Variants in CHRNE observed in about 807,000 individuals in gnomAD.
CHRNE encodes the protein cholinergic receptor nicotinic epsilon subunit.
In CHRNE, 58 loss-of-function variants were observed where a neutral mutation model predicts 56.5. The ratio of observed to expected loss-of-function variants is 1.03; its 90% confidence interval spans 0.83 to 1.28. CHRNE has a LOEUF of 1.28. Ranked by LOEUF, CHRNE falls within the 50% of genes most tolerant of loss-of-function variation. The pLI is 0.00. For missense variants in CHRNE, 793 were observed against 688.9 expected (o/e 1.15, Z -1.69); for synonymous variants, 385 against 297.9 (o/e 1.29, Z -3.01).
At chr17:4,900,077 C>G in intron 8 of CHRNE, 2 of 1,551,102 alleles carry the variant, frequency 1.3e-6, no homozygotes, top group Non-Finnish European at 1.7e-6. Flanking sequence ...TGCCCCGAAG[C>G]CCACCCTGGG....
Position 4,902,208 on chromosome 17 carries a change from G to C in CHRNE, c.344+9C>G, listed in dbSNP as rs371037732. 1.9e-6 allele frequency: 3 copies of C among 1,613,732 alleles called. No individual in the cohort carries two copies. The African/African-American group carries it at 4.0e-5, about 22-fold the overall frequency. Reference sequence around the variant, plus strand: ...TTCCCTCCAGCCTGGCGTCTGGCCCGGTTCTCACTTGTTTTCCAGCACAAT... The same window carrying C: ...TTCCCTCCAGCCTGGCGTCTGGCCCCGTTCTCACTTGTTTTCCAGCACAAT... On this transcript the variant is annotated intron_variant, in intron 4 of 11. Coordinates refer to ENST00000649488, the MANE Select transcript of CHRNE (RefSeq NM_000080.4). The surrounding 1 kb of genome is among the most constrained non-coding windows in gnomAD (Gnocchi z 4.0).
chr17:4,907,059 G>T (rs1970099811), upstream of CHRNE, among the ~76,000 whole-genome samples: 1 of 152,162 alleles, frequency 6.6e-6, no homozygotes, highest in Admixed American at 6.5e-5. Flanking sequence ...AGGGTAGTGG[G>T]CAGGTAGGTG....
intron 8 of CHRNE, chr17:4,900,121 G>C (rs924656972): frequency 1.9e-6 from 3 of 1,550,694 alleles, no homozygotes; most frequent in East Asian, 4.9e-5. Flanking sequence ...CCAGCCTCGT[G>C]AGCTTCGGCA....
rs373293781 is a variant in CHRNE, at chr17:4,898,757, G to A, written c.1461C>T (p.Tyr487=). Residue 487 remains tyrosine (Y), a synonymous_variant, in exon 12 of 12, where the codon TAC becomes TAT. Transcript: ENST00000649488. ...AYFNRVPDLP[Y]APCIQP is the part of the protein sequence containing the mutation. ...CGAGCTAAGGCTGGATACACGGCGCGTAGGGGAGATCAGGCACTCGGTTGA... is the reference window on the plus strand; with the variant it reads ...CGAGCTAAGGCTGGATACACGGCGCATAGGGGAGATCAGGCACTCGGTTGA... 7 of 1,611,032 alleles carry A rather than the reference G, an allele frequency of 4.3e-6. No homozygotes were observed. The highest frequency in any genetic ancestry group is 1.1e-5 in the South Asian group (1 of 90,280).
At chr17:4,905,242 A>C (rs1471463687), upstream of CHRNE, among the ~76,000 whole-genome samples, 1 of 152,172 alleles carries the variant, frequency 6.6e-6, no homozygotes, top group Non-Finnish European at 1.5e-5. Flanking sequence ...AGGGTGAATC[A>C]GATCTGTCAG....
Position 4,902,401 on chromosome 17 carries a change from A to G in CHRNE, c.234+49T>C. 1 of 1,613,978 alleles carries G rather than the reference A, an allele frequency of 6.2e-7. No individual in the cohort carries two copies. Among genetic ancestry groups the G allele is most frequent in the Non-Finnish European group, 8.5e-7 (1 of 1,179,878 alleles). ...GCTGCCTGGGAGGGGTTTGGGGGAAAAGGGGTGCCCTGGACAAGACCTCAC... is the reference window on the plus strand; with the variant it reads ...GCTGCCTGGGAGGGGTTTGGGGGAAGAGGGGTGCCCTGGACAAGACCTCAC... On this transcript the variant is annotated intron_variant, in intron 3 of 11. Transcript: ENST00000649488. The surrounding 1 kb of genome is among the most constrained non-coding windows in gnomAD (Gnocchi z 4.0).
Position 4,899,289 on chromosome 17 carries a change from G to T in CHRNE, c.1128C>A (p.Gly376=). ...TCAGCTCCTCCGCGCGGAGCAATAAGCCCACCGACGACGCCCGCCTTGGGG... is the reference window on the plus strand; with the variant it reads ...TCAGCTCCTCCGCGCGGAGCAATAATCCCACCGACGACGCCCGCCTTGGGG... ...ASPPRRASSV[G]LLLRAEELIL... is the part of the protein sequence containing the mutation. Residue 376 remains glycine, a synonymous_variant, in exon 10 of 12, where the codon GGC becomes GGA. Transcript: ENST00000649488. 1 of 1,597,638 alleles carries T rather than the reference G, an allele frequency of 6.3e-7. No individual in the cohort carries two copies. Among genetic ancestry groups the T allele is most frequent in the Admixed American group, 1.7e-5 (1 of 59,630 alleles).
chr17:4,907,534 C>G (rs1970105711), upstream of CHRNE, among the ~76,000 whole-genome samples: 2 of 135,432 alleles, frequency 1.5e-5, no homozygotes, highest in Non-Finnish European at 3.1e-5. Flanking sequence ...CGCCACTGCA[C>G]TCCAGCCTGG....
intron 1 of CHRNE, among the ~76,000 whole-genome samples, chr17:4,908,571 T>C (rs907183245): frequency 3.3e-5 from 5 of 152,220 alleles, no homozygotes; most frequent in African/African-American, 4.8e-5. Context: ...TGAGACTTCC[T>C]GCCGAGTTAG....
chr17:4,901,669 G>T, intron 5 of CHRNE, 44 bp from the exon 6 acceptor site: 2 of 1,574,060 alleles, frequency 1.3e-6, no homozygotes, highest in South Asian at 1.1e-5. Flanking sequence ...GCTCTGACCT[G>T]GGCCCCGGCC....
Position 4,901,833 on chromosome 17 carries a change from G to A in CHRNE, c.500+99C>T, listed in dbSNP as rs559699657. 29 of 1,547,872 alleles carry A rather than the reference G, an allele frequency of 1.9e-5. 1 individual carries two copies. The highest frequency in any genetic ancestry group is 1.2e-4 in the South Asian group (11 of 88,784). On this transcript the variant is annotated intron_variant, in intron 5 of 11. Coordinates refer to ENST00000649488, the MANE Select transcript of CHRNE (RefSeq NM_000080.4). ...GCCTACGCCTGGCTCCGCCTCCAGC[G>A]CGAAGCCCCGCCCCGAGGGCGGTGC...
At chr17:4,907,557 A>C (rs1970106183), upstream of CHRNE, among the ~76,000 whole-genome samples, 1 of 112,528 alleles carries the variant, frequency 8.9e-6, no homozygotes, top group Non-Finnish European at 1.8e-5. Flanking sequence ...ACAGAGCAAG[A>C]CTCAGTCTCA....
At position 4,899,388 on chromosome 17, in the gene CHRNE, G is replaced by C. The variant is rs1046859320; in HGVS notation, c.1033-4C>G. 5.9e-6 allele frequency: 9 copies of C among 1,533,642 alleles called. No individual in the cohort carries two copies. The highest frequency in any genetic ancestry group is 7.9e-6 in the Non-Finnish European group (9 of 1,143,882). On this transcript the variant is annotated splice_region_variant and splice_polypyrimidine_tract_variant and intron_variant, in intron 9 of 11. Transcript: ENST00000649488. ...GCGGCAGCAGCTCCAGGAGAACCTGGGGCAGGGGCGGGGCTTAGGGGACGA... is the reference window on the plus strand; with the variant it reads ...GCGGCAGCAGCTCCAGGAGAACCTGCGGCAGGGGCGGGGCTTAGGGGACGA...
At chr17:4,899,909 TA>T (rs1969911095) in intron 8 of CHRNE, 1 of 1,549,730 alleles carries the variant, frequency 6.5e-7, no homozygotes, top group African/African-American at 1.4e-5. Context: ...CCTGCCCTGC[TA>T]CTCTACTGCT....
chr17:4,900,586 G>C, intron 8 of CHRNE: 7 of 1,546,574 alleles, frequency 4.5e-6, no homozygotes, highest in African/African-American at 1.4e-5. Flanking sequence ...TCCCCCAAGA[G>C]AGCTACTCGG....
chr17:4,906,198 A>G (rs950670932), upstream of CHRNE, among the ~76,000 whole-genome samples: 2 of 152,136 alleles, frequency 1.3e-5, no homozygotes, highest in African/African-American at 4.8e-5. Flanking sequence ...TGGGGTGCCA[A>G]CACTGAAGAA....
rs1026988403 is a variant in CHRNE, at chr17:4,899,347, G to A, written c.1070C>T (p.Pro357Leu). The part of the protein sequence containing the change: ...LELLPRLLGS[P>L]PPPEAPRAAS... ...GGCCCGGGGGGCCTCGGGCGGCGGC[G>A]GGGAGCCCAGGAGGCGCGGCAGCAG... The change falls in exon 10 of 12, where the codon CCG (proline) becomes CTG (leucine). Residue 357 changes from proline to leucine, a missense_variant. Physicochemically the swap from Pro to Leu is moderately conservative, Grantham distance 98. Coordinates refer to ENST00000649488, the MANE Select transcript of CHRNE (RefSeq NM_000080.4). 7.8e-6 allele frequency: 12 copies of A among 1,542,660 alleles called. No homozygotes were observed. The highest frequency in any genetic ancestry group is 9.6e-6 in the Non-Finnish European group (11 of 1,150,270).
Position 4,898,518 on chromosome 17 carries a change from G to A in CHRNE, c.*218C>T. The stretch of plus-strand genomic sequence containing the variant: ...GCAGTCCTTGCTTTCTGGAAGACTG[G>A]CACCTGAGAGCCTATGTGAACCCTT... On this transcript the variant is annotated 3_prime_UTR_variant, in exon 12 of 12. Coordinates refer to ENST00000649488, the MANE Select transcript of CHRNE (RefSeq NM_000080.4). The A allele has an allele frequency of 1.6e-6, 1 of 615,076 alleles. No individual in the cohort carries two copies. The highest frequency in any genetic ancestry group is 2.9e-6 in the Non-Finnish European group (1 of 350,222). 38.1% of individuals were successfully genotyped at this position (615,076 alleles called of 1,614,324 possible).
At chr17:4,900,710 A>G (rs571059090) in intron 8 of CHRNE, 83 bp downstream of exon 8, 1 of 1,487,758 alleles carries the variant, frequency 6.7e-7, no homozygotes, top group East Asian at 2.5e-5. Flanking sequence ...CGAGACAGCC[A>G]GAGCTTTTCC....
Sources: allele counts gnomAD v4.1 joint callset (sites outside exome capture counted in the v4.1 genomes callset), GRCh38; gene constraint gnomAD v4.1.1; non-coding constraint Gnocchi (gnomAD v3.1); transcripts MANE v1.5; gene names NCBI Gene and HGNC (gene_info 2026-07-23, HGNC 2026-07-21).